Variants in PCDHGB4 observed in about 807,000 individuals in gnomAD.
PCDHGB4 encodes the protein protocadherin gamma subfamily B, 4, also known as protocadherin gamma-B4.
PCDHGB4 carries 38 observed loss-of-function variants against 60.5 expected under a neutral mutation model. That is an observed-to-expected ratio of 0.63 (90% CI 0.48 to 0.82). PCDHGB4 has a LOEUF of 0.82. Ranked by LOEUF, PCDHGB4 falls within the 40% of genes least tolerant of loss-of-function variation. PCDHGB4 has a pLI of 0.00. For synonymous variants in PCDHGB4, 456 were observed against 509.7 expected, an observed-to-expected ratio of 0.89 and a Z score of 1.42; for missense variants, 1,109 against 1,209.6, an observed-to-expected ratio of 0.92 and a Z score of 1.23.
chr5:141,388,356 C>T lies in PCDHGB4; in HGVS notation c.472C>T (p.His158Tyr), dbSNP rs756910714. ...PGTRFILGSAHDADIGSNTLQ... is the reference protein window; with the variant it reads ...PGTRFILGSAYDADIGSNTLQ... ...CACACGATTTATATTAGGATCTGCC[C>T]ATGATGCGGATATTGGTAGCAACAC... Residue 158 changes from histidine (H) to tyrosine (Y), a missense_variant, in exon 1 of 4, where the codon CAT becomes TAT. This residue lies in a region of PCDHGB4 where 1,068 missense variants were observed against 1,089.9 expected (regional missense o/e 0.98). Coordinates refer to ENST00000519479, the MANE Select transcript of PCDHGB4 (RefSeq NM_003736.4). 6.2e-7 allele frequency: 1 copy of T among 1,613,826 alleles called. No homozygotes were observed.
At position 141,430,831 on chromosome 5, in the gene PCDHGB4, G is replaced by A; in HGVS notation, c.2397+40550G>A. ...TGGGAATCCTCCTGGGGACTCTGTGGGAGACCGGATGCACCCAGATACGCT... is the reference window on the plus strand; with the variant it reads ...TGGGAATCCTCCTGGGGACTCTGTGAGAGACCGGATGCACCCAGATACGCT... On this transcript the variant is annotated intron_variant, in intron 1 of 3. Coordinates refer to ENST00000519479, the MANE Select transcript of PCDHGB4 (RefSeq NM_003736.4). 3 of 1,555,334 alleles carry A rather than the reference G, an allele frequency of 1.9e-6. No individual in the cohort carries two copies. In the South Asian group the frequency reaches 3.8e-5, roughly 19 times the overall value.
At chr5:141,442,029 A>C in intron 1 of PCDHGB4, 1 of 210,292 alleles carries the variant, frequency 4.8e-6, no homozygotes, top group Non-Finnish European at 9.8e-6. Context: ...CAGGAAAGCG[A>C]CTCGCCAGCG....
chr5:141,499,104 C>A (rs2099789508), intron 2 of PCDHGB4, among the ~76,000 whole-genome samples: 1 of 152,120 alleles, frequency 6.6e-6, no homozygotes, highest in African/African-American at 2.4e-5. Flanking sequence ...CTTCTCCTCC[C>A]CACCACTATC....
chr5:141,409,919 G>C (rs774277848), intron 1 of PCDHGB4: 1 of 1,613,346 alleles, frequency 6.2e-7, no homozygotes, highest in South Asian at 1.1e-5. Flanking sequence ...TGACGGCTCC[G>C]CGTTCTTCGA....
chr5:141,503,417 A>T (rs1431276679), intron 2 of PCDHGB4, among the ~76,000 whole-genome samples: 2 of 151,968 alleles, frequency 1.3e-5, no homozygotes, highest in Non-Finnish European at 2.9e-5. Flanking sequence ...CAATATGGTG[A>T]AACCCCATCT....
At chr5:141,426,116 G>A (rs1324245739) in intron 1 of PCDHGB4, among the ~76,000 whole-genome samples, 3 of 152,232 alleles carry the variant, frequency 2.0e-5, no homozygotes, top group African/African-American at 7.2e-5. Context: ...AAGCAAGTCG[G>A]AGAGTGGCCA....
At chr5:141,415,447 T>C in intron 1 of PCDHGB4, 1 of 1,614,200 alleles carries the variant, frequency 6.2e-7, no homozygotes, top group South Asian at 1.1e-5. Context: ...GCAGACCTAT[T>C]CCCACGAGGT....
At chr5:141,463,803 A>G (rs975202568) in intron 1 of PCDHGB4, among the ~76,000 whole-genome samples, 1 of 152,150 alleles carries the variant, frequency 6.6e-6, no homozygotes, top group Non-Finnish European at 1.5e-5. Flanking sequence ...AATGTCTAAA[A>G]GCTTTTATCA....
intron 1 of PCDHGB4, among the ~76,000 whole-genome samples, chr5:141,471,014 G>A (rs2099246573): frequency 6.7e-6 from 1 of 148,628 alleles, no homozygotes; most frequent in Non-Finnish European, 1.5e-5. Context: ...ACTGTGCCTG[G>A]TCAATCATTT....
intron 1 of PCDHGB4, among the ~76,000 whole-genome samples, chr5:141,434,452 G>T (rs2097695209): frequency 6.6e-6 from 1 of 152,334 alleles, no homozygotes; most frequent in African/African-American, 2.4e-5. Flanking sequence ...CTGGAAGGTA[G>T]TGGGTTTACC....
chr5:141,460,783 T>G (rs1000959104), intron 1 of PCDHGB4, among the ~76,000 whole-genome samples: 1 of 152,030 alleles, frequency 6.6e-6, no homozygotes, highest in Non-Finnish European at 1.5e-5. Flanking sequence ...TGTATACATA[T>G]ATACACACAA....
intron 1 of PCDHGB4, chr5:141,400,435 A>G (rs2094019562): frequency 6.2e-7 from 1 of 1,614,078 alleles, no homozygotes. Flanking sequence ...TGAGCAATTG[A>G]GTTCAGGACA....
chr5:141,462,552 T>A (rs966816379), intron 1 of PCDHGB4, among the ~76,000 whole-genome samples: 1 of 152,194 alleles, frequency 6.6e-6, no homozygotes, highest in Non-Finnish European at 1.5e-5. Context: ...TCTTCTTCAG[T>A]GTTTACTGTA....
At chr5:141,458,359 A>C (rs2098943826) in intron 1 of PCDHGB4, among the ~76,000 whole-genome samples, 1 of 152,142 alleles carries the variant, frequency 6.6e-6, no homozygotes, top group Non-Finnish European at 1.5e-5. Context: ...AATAAGCAAG[A>C]AGGAAGGGAG....
At position 141,484,105 on chromosome 5, in the gene PCDHGB4, A is replaced by G. The variant is rs548687877; in HGVS notation, c.2398-10702A>G. On this transcript the variant is annotated intron_variant, in intron 1 of 3. Coordinates refer to ENST00000519479, the MANE Select transcript of PCDHGB4 (RefSeq NM_003736.4). Reference sequence around the variant, plus strand: ...GAAATGGTCTTCGTTGGTAATTAACAAAAGATCAAGAATACCTTGGTGTCA... The same window carrying G: ...GAAATGGTCTTCGTTGGTAATTAACGAAAGATCAAGAATACCTTGGTGTCA... Among the ~76,000 whole-genome samples, 3 of 152,316 alleles carry G rather than the reference A, an allele frequency of 2.0e-5. No individual in the cohort carries two copies. In the South Asian group the frequency reaches 6.2e-4, roughly 32 times the overall value.
At chr5:141,461,979 A>C (rs1420971777) in intron 1 of PCDHGB4, among the ~76,000 whole-genome samples, 1 of 152,144 alleles carries the variant, frequency 6.6e-6, no homozygotes, top group Non-Finnish European at 1.5e-5. Context: ...ATATGCCACC[A>C]CGCCAGGCTA....
In PCDHGB4 at chr5:141,476,886, C is replaced by T; in HGVS notation, c.2398-17921C>T. ...TACCGGGCGCGCGTCCTGGAGGATG[C>T]ACCCTCCGGCACGCGCGTGGTACAA... On this transcript the variant is annotated intron_variant, in intron 1 of 3. Transcript: ENST00000519479. This position sits in a 1 kb window ranked among gnomAD's most constrained non-coding sequence, Gnocchi z 7.6. The T allele has an allele frequency of 9.9e-6, 16 of 1,613,924 alleles. No individual in the cohort carries two copies. Among genetic ancestry groups the T allele is most frequent in the Non-Finnish European group, 1.4e-5 (16 of 1,180,032 alleles).
chr5:141,510,307 G>C (rs1250172295), intron 3 of PCDHGB4, among the ~76,000 whole-genome samples: 1 of 151,446 alleles, frequency 6.6e-6, no homozygotes, highest in African/African-American at 2.4e-5. Context: ...TTTTGAAATG[G>C]AGGCTTGGAA....
intron 1 of PCDHGB4, chr5:141,418,958 G>A: frequency 4.3e-6 from 7 of 1,614,000 alleles, no homozygotes; most frequent in Non-Finnish European, 5.9e-6. Context: ...AGTGGTTGTT[G>A]CCCTCTTCAA....
Sources: gnomAD v4.1 joint callset for allele counts (sites outside exome capture counted in the v4.1 genomes callset) on GRCh38, gnomAD v4.1.1 for gene constraint, gnomAD v4.1.1 regional missense constraint, Gnocchi (gnomAD v3.1) non-coding constraint, MANE v1.5 for transcripts, NCBI Gene and HGNC (gene_info 2026-07-23, HGNC 2026-07-21) for gene names.